The following ACP7 variants were observed in gnomAD, a reference collection of about 807,000 sequenced individuals.
The protein encoded by ACP7 is acid phosphatase 7, tartrate resistant (putative).
A neutral mutation model predicts 60.6 loss-of-function variants in ACP7; 58 were observed. The observed-to-expected ratio is 0.96, with a 90% CI of 0.77 to 1.19. The LOEUF (loss-of-function observed/expected upper bound fraction) is 1.19, where lower values mean the gene tolerates loss of function less well. Among genes scored for constraint, ACP7 ranks in the 50% most tolerant of loss-of-function variants. The pLI is 0.00. For synonymous variants in ACP7, 237 were observed against 232.6 expected (o/e 1.02, Z -0.17); for missense variants, 574 against 596.2 (o/e 0.96, Z 0.39).
chr19:39,108,187 T>C (rs948608097), intron 12 of ACP7, among the ~76,000 whole-genome samples: 6 of 149,500 alleles, frequency 4.0e-5, no homozygotes, highest in Non-Finnish European at 5.9e-5. Flanking sequence ...TCACCCAGGC[T>C]GGAATGCAGT....
At chr19:39,106,829 G>A in intron 11 of ACP7, 118 bp from the exon 12 acceptor site, 1 of 1,301,706 alleles carries the variant, frequency 7.7e-7, no homozygotes, top group Non-Finnish European at 1.1e-6. Flanking sequence ...CGGCCTCTAT[G>A]GTGGTCAAGT....
At chr19:39,086,646 G>T (rs956679557) in intron 2 of ACP7, among the ~76,000 whole-genome samples, 11 of 145,612 alleles carry the variant, frequency 7.6e-5, no homozygotes, top group Non-Finnish European at 1.2e-4. Flanking sequence ...AAAAAAGGGG[G>T]GGGGGAGGGG....
chr19:39,106,998 G>A lies in ACP7; in HGVS notation c.1165G>A (p.Ala389Thr). The stretch of plus-strand genomic sequence containing the variant: ...TGCTGTCTTCCCGAGGCCCTGGAGT[G>A]CCGTGCGTGTGAAGGAGTACGGGTA... ...PFAVFPRPWSAVRVKEYGYTR... is the reference protein window; with the variant it reads ...PFAVFPRPWSTVRVKEYGYTR... Residue 389 changes from alanine (A) to threonine (T), a missense_variant, in exon 12 of 13, where the codon GCC becomes ACC. Ala to Thr is a moderately conservative substitution (Grantham distance 58). Transcript: ENST00000331256. 6.2e-7 allele frequency: 1 copy of A among 1,614,102 alleles called. No individual in the cohort carries two copies. Among genetic ancestry groups the A allele is most frequent in the South Asian group, 1.1e-5 (1 of 91,076 alleles).
At chr19:39,093,238 CTCTCTTTCTTTCTT>C (rs1477877430) in intron 2 of ACP7, among the ~76,000 whole-genome samples, 31 of 142,752 alleles carry the variant, frequency 2.2e-4, no homozygotes, top group African/African-American at 8.0e-4. Flanking sequence ...TTCTCTCTCT[CTCTCTTTCTTTCTT>C]TCTCTTTCTT....
chr19:39,101,565 T>G (rs750839345), intron 11 of ACP7, 28 bp downstream of exon 11: 21 of 1,602,586 alleles, frequency 1.3e-5, no homozygotes, highest in Non-Finnish European at 1.8e-5. Flanking sequence ...TGGCTTTGCC[T>G]TCTCTCTCTA....
intron 4 of ACP7, 81 bp from the exon 5 acceptor site, chr19:39,100,146 G>A (rs1171139784): frequency 6.4e-7 from 1 of 1,562,972 alleles, no homozygotes; most frequent in African/African-American, 1.4e-5. Context: ...ACAGGTGTGA[G>A]TCACCATACC....
At chr19:39,084,364 C>G (rs1277177944), upstream of ACP7, 1 of 152,386 alleles carries the variant, frequency 6.6e-6, no homozygotes, top group African/African-American at 2.4e-5. Flanking sequence ...GCGCTGGTGG[C>G]GGGAGAGGCG....
chr19:39,103,289 T>C (rs2073375920), intron 11 of ACP7, among the ~76,000 whole-genome samples: 1 of 152,142 alleles, frequency 6.6e-6, no homozygotes, highest in Non-Finnish European at 1.5e-5. Context: ...CATGGGTAAT[T>C]TATTTTACTC....
Position 39,110,045 on chromosome 19 carries a change from C to A in ACP7, c.1252-8C>A, listed in dbSNP as rs539949385. 2.2e-5 allele frequency: 35 copies of A among 1,612,416 alleles called. No homozygotes were observed. The South Asian group carries it at 3.7e-4, about 17-fold the overall frequency. ...TCTAACTACTGTCCCTGTTTTTGTCCCTCACAGGATGGGAAGATCGTAGAT... is the reference window on the plus strand; with the variant it reads ...TCTAACTACTGTCCCTGTTTTTGTCACTCACAGGATGGGAAGATCGTAGAT... On this transcript the variant is annotated splice_polypyrimidine_tract_variant and splice_region_variant and intron_variant, in intron 12 of 12. Transcript: ENST00000331256.
chr19:39,110,370 AG>A lies in ACP7; in HGVS notation c.*255del, dbSNP rs2073457021. ...TGACACACGGCAGGTTTCTGCTGGC[AG>A]GGCCCCACCCTCCTGCATAGCTCTG... On this transcript the variant is annotated 3_prime_UTR_variant, in exon 13 of 13. Transcript: ENST00000331256. 3.8e-6 allele frequency: 2 copies of A among 527,018 alleles called. No individual in the cohort carries two copies. Among genetic ancestry groups the A allele is most frequent in the Admixed American group, 7.0e-5 (2 of 28,442 alleles). 32.6% of individuals were successfully genotyped at this position (527,018 alleles called of 1,614,324 possible). A position where few individuals can be genotyped will look rare whatever the true frequency, so the allele number is the denominator to read the frequency against.
rs1341097382 is a variant in ACP7, at chr19:39,101,316, G to A, written c.1002G>A (p.Glu334=). 1.9e-6 allele frequency: 3 copies of A among 1,614,200 alleles called. No homozygotes were observed. The highest frequency in any genetic ancestry group is 3.3e-5 in the Admixed American group (2 of 60,024). ...TGGATCTGCAGCTGTGGGCTCATGA[G>A]CACTCGTATGAACGACTGTGGCCAA... ...YGVDLQLWAH[E]HSYERLWPIY... The change falls in exon 10 of 13, where the codon GAG becomes GAA. Residue 334 remains glutamate, a synonymous_variant. Coordinates refer to ENST00000331256, the MANE Select transcript of ACP7 (RefSeq NM_001004318.3).
At chr19:39,103,451 T>TTG (rs1362034334) in intron 11 of ACP7, among the ~76,000 whole-genome samples, 8 of 147,282 alleles carry the variant, frequency 5.4e-5, no homozygotes, top group African/African-American at 1.3e-4. Context: ...GTTTTTTTTT[T>TTG]TTTTTTTTTT....
At chr19:39,097,931 A>C (rs692461) in intron 2 of ACP7, among the ~76,000 whole-genome samples, 28,886 of 151,950 alleles carry the variant, frequency 0.19, 2,759 homozygotes, top group Non-Finnish European at 0.21. Context: ...TGAGGCTCAG[A>C]GAGGTGAAGT....
rs1415135745 is a variant in ACP7 at position 39,106,951 on chromosome 19, G to A, written c.1118G>A (p.Cys373Tyr). The change falls in exon 12 of 13, where the codon TGT (cysteine) becomes TAT (tyrosine). Residue 373 changes from cysteine (C) to tyrosine (Y), a missense_variant. Physicochemically the swap from Cys to Tyr is radical, Grantham distance 194. Coordinates refer to ENST00000331256, the MANE Select transcript of ACP7 (RefSeq NM_001004318.3). ...GATCAGTTCTCCCCGCCCCAGGGCT[G>A]TGAGGAGCGGCTGACGCCCTTTGCT... ...PVHIITGSAG[C>Y]EERLTPFAVF... 1 of 1,613,880 alleles carries A rather than the reference G, an allele frequency of 6.2e-7. No individual in the cohort carries two copies. The highest frequency in any genetic ancestry group is 8.5e-7 in the Non-Finnish European group (1 of 1,179,938).
At chr19:39,092,860 C>T (rs1216258031) in intron 2 of ACP7, among the ~76,000 whole-genome samples, 1 of 148,570 alleles carries the variant, frequency 6.7e-6, no homozygotes, top group Non-Finnish European at 1.5e-5. Flanking sequence ...TCACTGCAAC[C>T]TTCGCCTCCC....
At position 39,099,154 on chromosome 19, in the gene ACP7, G is replaced by T. The variant is rs2073309706; in HGVS notation, c.505+12G>T. On this transcript the variant is annotated intron_variant, in intron 4 of 12. Transcript: ENST00000331256. ...CGTTCTCCATGTGGGTGAGGCATCC[G>T]CAGGGGCGCGCGCAGGGACGGTGGG... The T allele has an allele frequency of 1.3e-6, 2 of 1,500,740 alleles. No homozygotes were observed. The highest frequency in any genetic ancestry group is 2.4e-5 in the East Asian group (1 of 41,220). 93.0% of individuals were successfully genotyped at this position (1,500,740 alleles called of 1,614,324 possible). A position where few individuals can be genotyped will look rare whatever the true frequency, so the allele number is the denominator to read the frequency against.
At chr19:39,107,618 G>C (rs2073426156) in intron 12 of ACP7, among the ~76,000 whole-genome samples, 1 of 149,964 alleles carries the variant, frequency 6.7e-6, no homozygotes, top group Admixed American at 6.7e-5. Context: ...AGGTGCGGTG[G>C]TTCATACCTG....
chr19:39,085,242 C>G lies in ACP7; in HGVS notation c.-28C>G. 6.2e-7 allele frequency: 1 copy of G among 1,603,300 alleles called. No homozygotes were observed. Among genetic ancestry groups the G allele is most frequent in the South Asian group, 1.1e-5 (1 of 88,998 alleles). ...GATCTCCTCAGTCCCCCTGCTTTTC[C>G]CCGGTCTGCCATCACCACCCCACCA... is the stretch of plus-strand genomic sequence containing the variant. On this transcript the variant is annotated 5_prime_UTR_variant, in exon 2 of 13. Transcript: ENST00000331256.
intron 2 of ACP7, among the ~76,000 whole-genome samples, chr19:39,087,779 A>AGG (rs1568473879): frequency 2.0e-5 from 3 of 151,930 alleles, no homozygotes; most frequent in Non-Finnish European, 4.4e-5. Flanking sequence ...GATTACAGGC[A>AGG]TGCACCACCA....
Sources: allele counts gnomAD v4.1 joint callset (sites outside exome capture counted in the v4.1 genomes callset), GRCh38; gene constraint gnomAD v4.1.1; transcripts MANE v1.5; gene names NCBI Gene and HGNC (gene_info 2026-07-23, HGNC 2026-07-21).